Variants in RABL6 observed in about 807,000 individuals in gnomAD.
The protein encoded by RABL6 is rab-like protein 6.
RABL6 carries 28 observed loss-of-function variants against 72.9 expected under a neutral mutation model. The ratio of observed to expected loss-of-function variants is 0.38; its 90% CI spans 0.28 to 0.53. The LOEUF is 0.53. Among genes scored for constraint, RABL6 ranks in the 20% least tolerant of loss-of-function variants. RABL6 has a pLI of 0.80. For synonymous variants in RABL6, 477 were observed against 421.2 expected, an observed-to-expected ratio of 1.13 and a Z score of -1.62; for missense variants, 1,029 against 1,008.4, an observed-to-expected ratio of 1.02 and a Z score of -0.28.
In RABL6 at chr9:136,839,301, T is replaced by C. The variant is rs1243448693; in HGVS notation, c.1573T>C (p.Ser525Pro). ...AGCACCCCCCTGGCCAGGCGGTGTCTCTGTTCGCACAGGTCCGGAGAAGCG... is the reference window on the plus strand; with the variant it reads ...AGCACCCCCCTGGCCAGGCGGTGTCCCTGTTCGCACAGGTCCGGAGAAGCG... Reference protein sequence around the residue: ...TAAPPWPGGVSVRTGPEKRSS... With the variant: ...TAAPPWPGGVPVRTGPEKRSS... Residue 525 changes from serine (S) to proline (P), a missense_variant, in exon 12 of 15, where the codon TCT (serine) becomes CCT (proline). Around this residue, in one of 2 missense-constraint regions of RABL6, gnomAD observed 595 missense variants for 472.4 expected, o/e 1.26. Coordinates refer to ENST00000311502, the MANE Select transcript of RABL6 (RefSeq NM_024718.5). 4 of 1,611,994 alleles carry C rather than the reference T, an allele frequency of 2.5e-6. No individual in the cohort carries two copies. In the African/African-American group the frequency reaches 4.0e-5, roughly 16 times the overall value.
chr9:136,835,867 T>C (rs1848575601), intron 8 of RABL6, 22 bp downstream of exon 8: 3 of 1,546,262 alleles, frequency 1.9e-6, no homozygotes, highest in Non-Finnish European at 1.7e-6. Context: ...GACCCGCCCG[T>C]GCGGGCGGTG....
intron 1 of RABL6, among the ~76,000 whole-genome samples, chr9:136,816,143 C>T (rs950533900): frequency 2.6e-5 from 4 of 152,182 alleles, no homozygotes; most frequent in African/African-American, 7.2e-5. Flanking sequence ...CTTGCTCTTT[C>T]GCCTGAACTG....
intron 1 of RABL6, chr9:136,821,419 G>T (rs1283627313): frequency 3.0e-6 from 3 of 985,348 alleles, no homozygotes; most frequent in South Asian, 9.4e-5. Flanking sequence ...GCCGGGGCGG[G>T]GAGGCAGGGC....
At chr9:136,808,939 AAGG>A (rs1847939493) in intron 1 of RABL6, 2 of 152,164 alleles carry the variant, frequency 1.3e-5, no homozygotes, top group African/African-American at 2.4e-5. Context: ...TTCTCGTAGG[AAGG>A]AGGAGTCATT....
intron 5 of RABL6, among the ~76,000 whole-genome samples, chr9:136,831,393 C>G (rs1196549772): frequency 6.6e-6 from 1 of 152,156 alleles, no homozygotes; most frequent in African/African-American, 2.4e-5. Context: ...TGAGGGTGGA[C>G]ACAGATGAAG....
chr9:136,826,090 G>A lies in RABL6; in HGVS notation c.313+264G>A, dbSNP rs997124702. Among the ~76,000 whole-genome samples, 2 of 152,170 alleles carry A rather than the reference G, an allele frequency of 1.3e-5. No individual in the cohort carries two copies. The highest frequency in any genetic ancestry group is 6.5e-5 in the Admixed American group (1 of 15,280). ...GCACGGTGGCGGCAGGTGCAGCCGGGGGGTGTGCTTTGAGCCCCAAGGCCC... is the reference window on the plus strand; with the variant it reads ...GCACGGTGGCGGCAGGTGCAGCCGGAGGGTGTGCTTTGAGCCCCAAGGCCC... On this transcript the variant is annotated intron_variant, in intron 3 of 14. Transcript: ENST00000311502. The surrounding 1 kb of genome is among the most constrained non-coding windows in gnomAD (Gnocchi z 4.9).
intron 1 of RABL6, chr9:136,813,702 A>G (rs2784094): frequency 0.81 from 157,730 of 194,582 alleles, 64,049 homozygotes; most frequent in East Asian, 0.87. Flanking sequence ...TGCAAGCTCC[A>G]CCTCCCAAGT....
At chr9:136,817,735 G>A (rs554804316) in intron 1 of RABL6, among the ~76,000 whole-genome samples, 15 of 152,272 alleles carry the variant, frequency 9.9e-5, no homozygotes, top group Non-Finnish European at 1.3e-4. Flanking sequence ...CTTCAGAGAG[G>A]TGGAGTTGAG....
chr9:136,840,515 A>C lies in RABL6; in HGVS notation c.2183A>C (p.Glu728Ala). 1 of 1,505,422 alleles carries C rather than the reference A, an allele frequency of 6.6e-7. No homozygotes were observed. The highest frequency in any genetic ancestry group is 1.2e-5 in the South Asian group (1 of 81,910). The allele number at this position is 1,505,422 out of a possible 1,614,324, so 93.3% of individuals were successfully genotyped here. The change falls in exon 15 of 15, where the codon GAG becomes GCG. Residue 728 changes from glutamate to alanine, a missense_variant. Physicochemically the swap from Glu to Ala is moderately radical, Grantham distance 107 (BLOSUM62 -1). Transcript: ENST00000311502. ...CACCCTGGGGGTGGCGACTACGAGG[A>C]GCTCTAGGCCGGCGTGGGCAGTGGC... ...GRHPGGGDYE[E>A]L
At chr9:136,821,888 G>A (rs1346403061) in intron 1 of RABL6, 5 of 1,275,416 alleles carry the variant, frequency 3.9e-6, no homozygotes, top group Non-Finnish European at 5.1e-6. Flanking sequence ...CAGCCGGTGC[G>A]GCCGCCACCG....
Position 136,841,010 on chromosome 9 carries a change from C to G in RABL6, c.*488C>G. The G allele has an allele frequency of 7.0e-7, 1 of 1,437,580 alleles. No individual in the cohort carries two copies. The allele number at this position is 1,437,580 out of a possible 1,614,324, so 89.1% of individuals were successfully genotyped here. On this transcript the variant is annotated 3_prime_UTR_variant, in exon 15 of 15. Coordinates refer to ENST00000311502, the MANE Select transcript of RABL6 (RefSeq NM_024718.5). Reference sequence around the variant, plus strand: ...TCACCCTAAAGGGCGGCCCAGGCCCCACGCTAGAAGGCTGGCGAGACCGAA... The same window carrying G: ...TCACCCTAAAGGGCGGCCCAGGCCCGACGCTAGAAGGCTGGCGAGACCGAA...
intron 8 of RABL6, 93 bp downstream of exon 8, chr9:136,835,938 G>T: frequency 8.1e-7 from 1 of 1,237,410 alleles, no homozygotes. Flanking sequence ...GACAGCAGAG[G>T]GGAGTGTCCC....
intron 2 of RABL6, among the ~76,000 whole-genome samples, chr9:136,824,661 CA>C (rs560659208): frequency 7.6e-4 from 104 of 137,576 alleles, no homozygotes; most frequent in South Asian, 3.4e-3. Flanking sequence ...CTTTTCACTG[CA>C]AAAAAAAAAA....
chr9:136,836,749 T>C (rs115001073), intron 8 of RABL6: 2,024 of 166,264 alleles, frequency 0.012, 44 homozygotes, highest in African/African-American at 0.046. Flanking sequence ...GAAGGTCCAG[T>C]TGCTGCCATC....
intron 1 of RABL6, chr9:136,822,022 A>T: frequency 7.8e-7 from 1 of 1,289,654 alleles, no homozygotes; most frequent in South Asian, 1.2e-5. Flanking sequence ...GGAAATGAAC[A>T]AGCTTCAGGG....
At chr9:136,831,669 G>C in intron 5 of RABL6, 52 bp from the exon 6 acceptor site, 2 of 1,605,000 alleles carry the variant, frequency 1.2e-6, no homozygotes, top group South Asian at 2.2e-5. Flanking sequence ...TCCAGGGAGG[G>C]ACAGGGCGTC....
rs542786543 is a variant in RABL6, at chr9:136,826,422, G to A, written c.313+596G>A. Among the ~76,000 whole-genome samples, 38 of 152,184 alleles carry A rather than the reference G, an allele frequency of 2.5e-4. No individual in the cohort carries two copies. The highest frequency in any genetic ancestry group is 2.0e-3 in the Admixed American group (31 of 15,290). On this transcript the variant is annotated intron_variant, in intron 3 of 14. Transcript: ENST00000311502. This position sits in a 1 kb window ranked among gnomAD's most constrained non-coding sequence, Gnocchi z 4.9. ...GTGTGGTGTGTGCAGGGCTGGCCACGTGCACGCCCCGGCCTCACAGGCCTG... is the reference window on the plus strand; with the variant it reads ...GTGTGGTGTGTGCAGGGCTGGCCACATGCACGCCCCGGCCTCACAGGCCTG...
chr9:136,807,968 G>A lies in RABL6; in HGVS notation c.-229G>A, dbSNP rs1847900965. ...CGCCAAGATGGCGGCGCTGACTCCTGGAGAGCGGTCGCGCCGGAGGCCGCG... is the reference window on the plus strand; with the variant it reads ...CGCCAAGATGGCGGCGCTGACTCCTAGAGAGCGGTCGCGCCGGAGGCCGCG... On this transcript the variant is annotated 5_prime_UTR_variant, in exon 1 of 15. Transcript: ENST00000311502. 3 of 1,003,412 alleles carry A rather than the reference G, an allele frequency of 3.0e-6. No homozygotes were observed. Among genetic ancestry groups the A allele is most frequent in the Non-Finnish European group, 3.6e-6 (3 of 843,698 alleles). 62.2% of individuals were successfully genotyped at this position (1,003,412 alleles called of 1,614,324 possible). A position where few individuals can be genotyped will look rare whatever the true frequency, so the allele number is the denominator to read the frequency against.
intron 1 of RABL6, among the ~76,000 whole-genome samples, chr9:136,820,241 T>G (rs914355543): frequency 6.6e-6 from 1 of 150,642 alleles, no homozygotes; most frequent in Non-Finnish European, 1.5e-5. Flanking sequence ...GGCAGATGTC[T>G]GTAGTCTGAG....
Sources: gnomAD v4.1 joint callset for allele counts (sites outside exome capture counted in the v4.1 genomes callset) on GRCh38, gnomAD v4.1.1 for gene constraint, gnomAD v4.1.1 regional missense constraint, Gnocchi (gnomAD v3.1) non-coding constraint, MANE v1.5 for transcripts, NCBI Gene and HGNC (gene_info 2026-07-23, HGNC 2026-07-21) for gene names.